GCN1: variants seen among roughly 807,000 people sequenced by gnomAD.
GCN1 encodes the protein GCN1 activator of EIF2AK4.
In GCN1, 90 loss-of-function variants were observed where a neutral mutation model predicts 288.4. The ratio of observed to expected loss-of-function variants is 0.31; its 90% CI spans 0.26 to 0.37. The LOEUF is 0.37. GCN1 is among the 10% of genes least tolerant of loss of function. GCN1 has a pLI of 1.00. For synonymous variants in GCN1, 1,386 were observed against 1,420.2 expected (o/e 0.98, Z 0.54); for missense variants, 2,586 against 3,419.9 (o/e 0.76, Z 6.08).
chr12:120,150,113 G>A (rs1379242631), intron 34 of GCN1, 70 bp from the exon 35 acceptor site: 1 of 1,513,968 alleles, frequency 6.6e-7, no homozygotes, highest in East Asian at 2.3e-5. Flanking sequence ...GAACAGAAGG[G>A]ACAGCAACCT....
At chr12:120,154,386 C>G (rs1388711708) in intron 31 of GCN1, among the ~76,000 whole-genome samples, 1 of 152,238 alleles carries the variant, frequency 6.6e-6, no homozygotes, top group Non-Finnish European at 1.5e-5. Context: ...CCACCCTACA[C>G]TGACACACAA....
chr12:120,168,005 A>T (rs1878188394), intron 16 of GCN1, among the ~76,000 whole-genome samples: 1 of 151,960 alleles, frequency 6.6e-6, no homozygotes, highest in Admixed American at 6.6e-5. Flanking sequence ...CTCTGTCTCC[A>T]CACATCTCCC....
In GCN1 at chr12:120,175,163, T is replaced by C. The variant is rs1447493824; in HGVS notation, c.1092A>G (p.Ser364=). ...AAAAAAAAAAAAGAAATCCTATACC[T>C]GAGAGGACGCTCATCTTCTGGGCTA... ...TVVAQKMSVL[S]GIGSVSHHVV... Residue 364 remains serine (S), a splice_region_variant and synonymous_variant, in exon 12 of 58, where the codon TCA becomes TCG. Coordinates refer to ENST00000300648, the MANE Select transcript of GCN1 (RefSeq NM_006836.2). The C allele has an allele frequency of 6.7e-7, 1 of 1,497,056 alleles. No individual in the cohort carries two copies. Among genetic ancestry groups the C allele is most frequent in the East Asian group, 2.3e-5 (1 of 44,212 alleles). The allele number at this position is 1,497,056 out of a possible 1,614,324, so 92.7% of individuals were successfully genotyped here.
chr12:120,151,937 CTT>C (rs923689279), intron 33 of GCN1, among the ~76,000 whole-genome samples: 4 of 152,218 alleles, frequency 2.6e-5, no homozygotes, highest in Non-Finnish European at 4.4e-5. Context: ...AGGTGCGACT[CTT>C]TTGCTGCTTA....
chr12:120,129,454 T>C lies in GCN1; in HGVS notation c.7712A>G (p.Glu2571Gly), dbSNP rs764611770. 6.2e-7 allele frequency: 1 copy of C among 1,613,964 alleles called. No homozygotes were observed. The highest frequency in any genetic ancestry group is 8.5e-7 in the Non-Finnish European group (1 of 1,179,946). Residue 2571 changes from glutamate (E) to glycine (G), a missense_variant, in exon 57 of 58, where the codon GAG becomes GGG. Glu to Gly is a moderately conservative substitution (Grantham distance 98). Transcript: ENST00000300648. ...NPSSDIRLVAEKMIWWANKDP... is the reference protein window; with the variant it reads ...NPSSDIRLVAGKMIWWANKDP... ...CTTATTTGCCCACCAGATCATCTTC[T>C]CAGCCACCAGCCTGATGTCGCTGGA...
At chr12:120,180,407 G>A (rs947663616) in intron 5 of GCN1, among the ~76,000 whole-genome samples, 1 of 151,764 alleles carries the variant, frequency 6.6e-6, no homozygotes, top group East Asian at 1.9e-4. Flanking sequence ...ACAAGGTCAA[G>A]AGATCGAGAC....
rs1877638492 is a variant in GCN1, at chr12:120,153,543, A to G, written c.3868-136T>C. ...TGACATGCCAGCCAGTGGCTCTTCC[A>G]GTTTTCTGGCAGGACTGCCACAGAC... On this transcript the variant is annotated intron_variant, in intron 32 of 57. Transcript: ENST00000300648. This position sits in a 1 kb window ranked among gnomAD's most constrained non-coding sequence, Gnocchi z 4.4. 3 of 911,070 alleles carry G rather than the reference A, an allele frequency of 3.3e-6. No homozygotes were observed. The highest frequency in any genetic ancestry group is 5.3e-5 in the Admixed American group (2 of 37,592). The allele number at this position is 911,070 out of a possible 1,614,324, so 56.4% of individuals were successfully genotyped here.
At chr12:120,178,339 C>T (rs1300547930) in intron 7 of GCN1, among the ~76,000 whole-genome samples, 2 of 152,176 alleles carry the variant, frequency 1.3e-5, no homozygotes, top group South Asian at 2.1e-4. Flanking sequence ...CCCCCAACAC[C>T]GAGCACAGTG....
At chr12:120,177,215 T>G (rs1878508596) in intron 9 of GCN1, among the ~76,000 whole-genome samples, 1 of 152,110 alleles carries the variant, frequency 6.6e-6, no homozygotes, top group South Asian at 2.1e-4. Flanking sequence ...TCAAGTGATC[T>G]GCCCACTGCC....
chr12:120,149,812 G>A (rs1440350554), intron 35 of GCN1, 92 bp from the exon 36 acceptor site: 6 of 1,530,358 alleles, frequency 3.9e-6, no homozygotes, highest in African/African-American at 1.4e-5. Context: ...TATAACCAAC[G>A]CTTACTGGGG....
rs148476388 is a variant in GCN1, at chr12:120,156,080, G to A, written c.3313-361C>T. On this transcript the variant is annotated intron_variant, in intron 28 of 57. Transcript: ENST00000300648. The surrounding 1 kb of genome is among the most constrained non-coding windows in gnomAD (Gnocchi z 5.8). ...ATCAATAGCAGGAGGCTGTGGATCA[G>A]CAGGTAGGAACCACTGTCTTACCAC... Among the ~76,000 whole-genome samples the A allele has an allele frequency of 7.2e-4, 110 of 152,316 alleles. No individual in the cohort carries two copies. Among genetic ancestry groups the A allele is most frequent in the African/African-American group, 2.6e-3 (108 of 41,576 alleles).
chr12:120,187,695 C>T (rs551763417), intron 2 of GCN1, among the ~76,000 whole-genome samples: 20 of 151,998 alleles, frequency 1.3e-4, no homozygotes, highest in African/African-American at 4.8e-4. Context: ...TGGGCTCAAG[C>T]GATCCTCCCA....
chr12:120,169,279 AAAAAAAAAAAAAAAAAG>A (rs1388188449), intron 15 of GCN1, among the ~76,000 whole-genome samples: 35,840 of 143,456 alleles, frequency 0.25, 6,026 homozygotes, highest in East Asian at 0.56. Flanking sequence ...TCCGTCTCAA[AAAAAAAAAAAAAAAAAG>A]AAAAAAAAAA....
In GCN1 at chr12:120,155,550, G is replaced by A. The variant is rs957165036; in HGVS notation, c.3440+42C>T. On this transcript the variant is annotated intron_variant, in intron 29 of 57. Coordinates refer to ENST00000300648, the MANE Select transcript of GCN1 (RefSeq NM_006836.2). This position sits in a 1 kb window ranked among gnomAD's most constrained non-coding sequence, Gnocchi z 4.9. Reference sequence around the variant, plus strand: ...TGGGTTCAGTTATTTCCTAAAGGAAGAGAGGATGCAGCAGGAGAAAGCGAC... The same window carrying A: ...TGGGTTCAGTTATTTCCTAAAGGAAAAGAGGATGCAGCAGGAGAAAGCGAC... The A allele has an allele frequency of 1.8e-5, 29 of 1,612,612 alleles. No homozygotes were observed. In the Admixed American group the frequency reaches 3.7e-4, roughly 20 times the overall value.
At chr12:120,169,169 G>A (rs979007745) in intron 15 of GCN1, among the ~76,000 whole-genome samples, 3 of 150,910 alleles carry the variant, frequency 2.0e-5, no homozygotes, top group Non-Finnish European at 4.4e-5. Flanking sequence ...GCGGCGTAGC[G>A]CCTGTAGTCC....
At position 120,178,922 on chromosome 12, in the gene GCN1, T is replaced by C. The variant is rs1878564353; in HGVS notation, c.455A>G (p.Glu152Gly). Residue 152 changes from glutamate (E) to glycine (G), a missense_variant, in exon 6 of 58, where the codon GAG (glutamate) becomes GGG (glycine). Transcript: ENST00000300648. ...GTGCTTGTGGGAGCCACCCAGCACC[T>C]CCAGCAAGAGCAGGCACTGCACTTC... ...LVEVQCLLLL[E>G]VLGGSHKHAV... The C allele has an allele frequency of 1.9e-6, 3 of 1,613,780 alleles. No homozygotes were observed. The East Asian group carries it at 6.7e-5, about 36-fold the overall frequency.
At position 120,148,039 on chromosome 12, in the gene GCN1, T is replaced by C; in HGVS notation, c.4726+128A>G. The stretch of plus-strand genomic sequence containing the variant: ...CTGAGCCAATGACTCAGTGTCCCTA[T>C]TTCACTGTGAACATATTTGTCCTCG... On this transcript the variant is annotated intron_variant, in intron 37 of 57. Coordinates refer to ENST00000300648, the MANE Select transcript of GCN1 (RefSeq NM_006836.2). 9 of 664,636 alleles carry C rather than the reference T, an allele frequency of 1.4e-5. No homozygotes were observed. The South Asian group carries it at 1.7e-4, about 13-fold the overall frequency. 41.2% of individuals were successfully genotyped at this position (664,636 alleles called of 1,614,324 possible).
chr12:120,165,256 C>T (rs995096423), intron 16 of GCN1, among the ~76,000 whole-genome samples: 2 of 151,840 alleles, frequency 1.3e-5, no homozygotes, highest in African/African-American at 2.4e-5. Context: ...AGGATGGTCT[C>T]GATCTCCTGG....
At chr12:120,171,037 A>G (rs1878297658) in intron 14 of GCN1, among the ~76,000 whole-genome samples, 1 of 150,820 alleles carries the variant, frequency 6.6e-6, no homozygotes, top group Non-Finnish European at 1.5e-5. Context: ...GCTACTCAGG[A>G]GGCTGCAGCA....
Sources: gnomAD v4.1 joint callset for allele counts (sites outside exome capture counted in the v4.1 genomes callset) on GRCh38, gnomAD v4.1.1 for gene constraint, Gnocchi (gnomAD v3.1) non-coding constraint, MANE v1.5 for transcripts, NCBI Gene and HGNC (gene_info 2026-07-23, HGNC 2026-07-21) for gene names.